Variants in EFTUD2 observed in about 807,000 individuals in gnomAD.
EFTUD2 encodes 116 kDa U5 small nuclear ribonucleoprotein component.
EFTUD2 carries 9 observed loss-of-function variants against 114.3 expected under a neutral mutation model. The observed-to-expected ratio is 0.08, with a 90% CI of 0.05 to 0.14. EFTUD2 has a LOEUF of 0.14. Among genes scored for constraint, EFTUD2 ranks in the 10% least tolerant of loss-of-function variants. The pLI is 1.00. For synonymous variants in EFTUD2, 449 were observed against 462.3 expected (o/e 0.97, Z 0.37); for missense variants, 765 against 1,241.2 (o/e 0.62, Z 5.76).
Position 44,888,674 on chromosome 17 carries a change from G to A in EFTUD2, c.106-1924C>T, listed in dbSNP as rs941699801. Among the ~76,000 whole-genome samples, 9 of 152,238 alleles carry A rather than the reference G, an allele frequency of 5.9e-5. No homozygotes were observed. In the East Asian group the frequency reaches 1.7e-3, roughly 29 times the overall value. On this transcript the variant is annotated intron_variant, in intron 2 of 27. Coordinates refer to ENST00000426333, the MANE Select transcript of EFTUD2 (RefSeq NM_004247.4). ...ACTGTTTTCTAATGAATTGAAAGGAGGTGTGAGAAAAAAGAGAAGCAGTAA... is the reference window on the plus strand; with the variant it reads ...ACTGTTTTCTAATGAATTGAAAGGAAGTGTGAGAAAAAAGAGAAGCAGTAA...
chr17:44,856,606 G>A (rs1338081648), intron 20 of EFTUD2, among the ~76,000 whole-genome samples: 1 of 152,106 alleles, frequency 6.6e-6, no homozygotes, highest in Non-Finnish European at 1.5e-5. Context: ...GGGAGGCCAA[G>A]ATGGGAGGAA....
chr17:44,871,951 G>A (rs891250663), intron 11 of EFTUD2, among the ~76,000 whole-genome samples: 3 of 152,200 alleles, frequency 2.0e-5, no homozygotes, highest in African/African-American at 7.2e-5. Flanking sequence ...TGGTCTCAAG[G>A]ATCTGGTGTT....
At chr17:44,898,516 G>A (rs113664404) in intron 1 of EFTUD2, among the ~76,000 whole-genome samples, 3 of 152,154 alleles carry the variant, frequency 2.0e-5, no homozygotes, top group African/African-American at 7.2e-5. Context: ...CACCGCGCCC[G>A]GCCGATTGAA....
intron 10 of EFTUD2, among the ~76,000 whole-genome samples, chr17:44,873,756 G>A (rs961890803): frequency 1.0e-4 from 15 of 148,070 alleles, no homozygotes; most frequent in African/African-American, 3.3e-4. Flanking sequence ...TTTTGAGATG[G>A]AGTCTTGCTC....
chr17:44,865,961 A>C (rs1479992333), intron 13 of EFTUD2, among the ~76,000 whole-genome samples: 1 of 152,102 alleles, frequency 6.6e-6, no homozygotes, highest in African/African-American at 2.4e-5. Context: ...ACAGGCACAC[A>C]CCACTACAAC....
chr17:44,860,070 G>A (rs1184952481), intron 17 of EFTUD2, 25 bp from the exon 18 acceptor site: 1 of 1,614,230 alleles, frequency 6.2e-7, no homozygotes, highest in Non-Finnish European at 8.5e-7. Context: ...ACAAAGGACT[G>A]AGGGCAACTG....
chr17:44,876,038 C>T lies in EFTUD2; in HGVS notation c.765G>A (p.Val255=). The change falls in exon 10 of 28, where the codon GTG becomes GTA. Residue 255 remains valine (V), a synonymous_variant. Coordinates refer to ENST00000426333, the MANE Select transcript of EFTUD2 (RefSeq NM_004247.4). ...TCAGCCGGTCAATCTTGTTGATGCA[C>T]ACAGTGACTGCCAGCCTCTCCTGCA... ...HAVQERLAVT[V]CINKIDRLIL... 1 of 1,614,058 alleles carries T rather than the reference C, an allele frequency of 6.2e-7. No individual in the cohort carries two copies. The highest frequency in any genetic ancestry group is 1.3e-5 in the African/African-American group (1 of 75,032).
intron 10 of EFTUD2, among the ~76,000 whole-genome samples, chr17:44,874,472 GA>G (rs576037426): frequency 6.6e-6 from 1 of 152,160 alleles, no homozygotes; most frequent in Non-Finnish European, 1.5e-5. Flanking sequence ...TACACACTGG[GA>G]AGGCTCCTGA....
At chr17:44,887,128 T>C (rs80215496) in intron 2 of EFTUD2, among the ~76,000 whole-genome samples, 1,853 of 152,300 alleles carry the variant, frequency 0.012, 38 homozygotes, top group African/African-American at 0.042. Flanking sequence ...TTTTCACTTA[T>C]ATCCACAGAA....
chr17:44,888,886 G>A (rs114707690), intron 2 of EFTUD2, among the ~76,000 whole-genome samples: 4 of 152,274 alleles, frequency 2.6e-5, no homozygotes, highest in African/African-American at 9.6e-5. Flanking sequence ...ATACAAACAT[G>A]CCATTCAAGG....
At chr17:44,868,850 C>T (rs182937283) in intron 11 of EFTUD2, among the ~76,000 whole-genome samples, 4 of 152,284 alleles carry the variant, frequency 2.6e-5, no homozygotes, top group Non-Finnish European at 4.4e-5. Context: ...TCAGCCCTCT[C>T]GAGAGAAAAC....
intron 2 of EFTUD2, among the ~76,000 whole-genome samples, chr17:44,890,481 T>C (rs1009590220): frequency 4.0e-5 from 6 of 150,850 alleles, no homozygotes; most frequent in Non-Finnish European, 7.4e-5. Flanking sequence ...TCACCTAAGG[T>C]TGGGAGTTCG....
chr17:44,886,164 G>T (rs926354638), intron 3 of EFTUD2, among the ~76,000 whole-genome samples: 5 of 152,122 alleles, frequency 3.3e-5, no homozygotes, highest in Non-Finnish European at 5.9e-5. Context: ...AATCAGGGAG[G>T]CGGAGGTTGC....
At chr17:44,882,994 T>C in intron 6 of EFTUD2, 99 bp downstream of exon 6, 1 of 1,166,396 alleles carries the variant, frequency 8.6e-7, no homozygotes. Context: ...GGAGGCGTCA[T>C]TATTTATAGA....
At position 44,860,006 on chromosome 17, in the gene EFTUD2, C is replaced by G; in HGVS notation, c.1759G>C (p.Val587Leu). Residue 587 changes from valine (V) to leucine (L), a missense_variant, in exon 18 of 28, where the codon GTT becomes CTT. Physicochemically the swap from Val to Leu is conservative, Grantham distance 32 (BLOSUM62 1). Coordinates refer to ENST00000426333, the MANE Select transcript of EFTUD2 (RefSeq NM_004247.4). ...ACTGGCTCCACAGCAATCTTGATAACAGATGTGGTATTGAACTTCAAGGGT... is the reference window on the plus strand; with the variant it reads ...ACTGGCTCCACAGCAATCTTGATAAGAGATGTGGTATTGAACTTCAAGGGT... ...FRPLKFNTTS[V>L]IKIAVEPVNP... 1 of 1,614,206 alleles carries G rather than the reference C, an allele frequency of 6.2e-7. No individual in the cohort carries two copies. The highest frequency in any genetic ancestry group is 8.5e-7 in the Non-Finnish European group (1 of 1,180,050).
chr17:44,886,562 C>T (rs1349832855), intron 3 of EFTUD2, 23 bp downstream of exon 3: 23 of 1,612,536 alleles, frequency 1.4e-5, no homozygotes, highest in Non-Finnish European at 2.0e-5. Flanking sequence ...TCACTCCGCA[C>T]AGCCCATGTC....
intron 16 of EFTUD2, among the ~76,000 whole-genome samples, chr17:44,861,788 C>T (rs1045613687): frequency 6.6e-6 from 1 of 152,026 alleles, no homozygotes; most frequent in Non-Finnish European, 1.5e-5. Flanking sequence ...AATATTCCAC[C>T]TTTTGGCATT....
At chr17:44,856,536 G>GGA (rs2050557889) in intron 20 of EFTUD2, among the ~76,000 whole-genome samples, 1 of 143,150 alleles carries the variant, frequency 7.0e-6, no homozygotes, top group Non-Finnish European at 1.5e-5. Flanking sequence ...TTAAAAAAAA[G>GGA]AAAAAAAAAG....
intron 6 of EFTUD2, 96 bp downstream of exon 6, chr17:44,882,997 T>G: frequency 8.3e-7 from 1 of 1,210,910 alleles, no homozygotes. Context: ...GGCGTCATTA[T>G]TTATAGAGAA....
Sources: gnomAD v4.1 joint callset for allele counts (sites outside exome capture counted in the v4.1 genomes callset) on GRCh38, gnomAD v4.1.1 for gene constraint, MANE v1.5 for transcripts, NCBI Gene and HGNC (gene_info 2026-07-23, HGNC 2026-07-21) for gene names.